Variants in TMOD4 observed in about 807,000 individuals in gnomAD.
TMOD4 encodes tropomodulin-4.
A neutral mutation model predicts 45.4 loss-of-function variants in TMOD4; 34 were observed. The observed-to-expected ratio is 0.75, with a 90% CI of 0.57 to 1.00. TMOD4 has a LOEUF of 1.00. TMOD4 is among the 50% of genes least tolerant of loss of function. TMOD4 has a pLI of 0.00. For missense variants in TMOD4, 399 were observed against 437.5 expected (o/e 0.91, Z 0.78); for synonymous variants, 131 against 153.9 (o/e 0.85, Z 1.10).
chr1:151,171,844 T>TC (rs1357197040), intron 5 of TMOD4, 81 bp from the exon 6 acceptor site: 1 of 1,503,274 alleles, frequency 6.7e-7, no homozygotes, highest in African/African-American at 1.4e-5. Context: ...TTTTCTTTTT[T>TC]TTTTTTTTTG....
rs755556017 is a variant in TMOD4 at position 151,174,739 on chromosome 1, G to C, written c.123+14C>G. ...CCTGGGACTGCCTCTGGTTCCCTGT[G>C]CTGGAGCCCCTACCTCAGGATCCAT... On this transcript the variant is annotated intron_variant, in intron 2 of 9. Coordinates refer to ENST00000295314, the MANE Select transcript of TMOD4 (RefSeq NM_013353.3). 2 of 1,613,328 alleles carry C rather than the reference G, an allele frequency of 1.2e-6. No homozygotes were observed. Among genetic ancestry groups the C allele is most frequent in the Middle Eastern group, 1.9e-4 (1 of 5,374 alleles).
chr1:151,172,820 G>GTTTTTGT (rs915968515), intron 4 of TMOD4, among the ~76,000 whole-genome samples: 1 of 151,890 alleles, frequency 6.6e-6, no homozygotes, highest in Non-Finnish European at 1.5e-5. Flanking sequence ...TGTTGTTTTT[G>GTTTTTGT]TTTTTGTTTT....
chr1:151,172,155 T>C (rs1305380681), intron 5 of TMOD4, 113 bp downstream of exon 5: 5 of 889,314 alleles, frequency 5.6e-6, no homozygotes, highest in Middle Eastern at 3.4e-4. Flanking sequence ...TTCTTATCAC[T>C]CATGCAGCAT....
rs750793725 is a variant in TMOD4, at chr1:151,174,400, C to T, written c.271G>A (p.Glu91Lys). 1.5e-5 allele frequency: 24 copies of T among 1,613,898 alleles called. No homozygotes were observed. The highest frequency in any genetic ancestry group is 8.8e-5 in the South Asian group (8 of 91,052). ...GTCAGGGTCCCCATACCCTTCTTCT[C>T]GCCTGTGAAGGGCACCAAGTCATCA... ...ERDDLVPFTG[E>K]KKGKPYIQPK... Residue 91 changes from glutamate (E) to lysine (K), a missense_variant, in exon 3 of 10, where the codon GAG becomes AAG. Coordinates refer to ENST00000295314, the MANE Select transcript of TMOD4 (RefSeq NM_013353.3).
At chr1:151,175,175 G>A in intron 1 of TMOD4, 1 of 347,448 alleles carries the variant, frequency 2.9e-6, no homozygotes, top group Non-Finnish European at 5.4e-6. Context: ...CGGTATGACA[G>A]AGAAATCCTG....
rs191076675 is a variant in TMOD4 at position 151,174,478 on chromosome 1, G to C, written c.193C>G (p.Arg65Gly). ...TKKSPTGPLD[R>G]EALLQYLEQQ... ...TCCAAGTACTGCAAAAGGGCCTCTC[G>C]GTCCAGTGGCCCCGTTGGGCTCTTC... The change falls in exon 3 of 10, where the codon CGA becomes GGA. Residue 65 changes from arginine to glycine, a missense_variant. Physicochemically the swap from Arg to Gly is moderately radical, Grantham distance 125. Transcript: ENST00000295314. 38 of 1,614,168 alleles carry C rather than the reference G, an allele frequency of 2.4e-5. No homozygotes were observed. In the East Asian group the frequency reaches 5.3e-4, roughly 23 times the overall value.
intron 4 of TMOD4, 143 bp from the exon 5 acceptor site, chr1:151,172,500 C>A: frequency 1.6e-6 from 1 of 625,128 alleles, no homozygotes; most frequent in Non-Finnish European, 2.8e-6. Flanking sequence ...TCTTTCAGCC[C>A]CAGGGGTCCT....
At chr1:151,174,631 C>T (rs1233500115) in intron 2 of TMOD4, 84 bp from the exon 3 acceptor site, 24 of 1,594,492 alleles carry the variant, frequency 1.5e-5, no homozygotes, top group Non-Finnish European at 2.1e-5. Context: ...CACCGGACAC[C>T]TTTCCCCTGG....
At chr1:151,173,372 A>C in intron 4 of TMOD4, 127 bp downstream of exon 4, 1 of 701,798 alleles carries the variant, frequency 1.4e-6, no homozygotes, top group Non-Finnish European at 2.5e-6. Flanking sequence ...GAAAAGCTTG[A>C]AACTACTGCT....
intron 1 of TMOD4, 152 bp downstream of exon 1, chr1:151,175,770 TAC>T (rs988235244): frequency 2.0e-5 from 3 of 152,254 alleles, no homozygotes; most frequent in Non-Finnish European, 4.4e-5. Flanking sequence ...ATGTAAACTA[TAC>T]ACAGTTAAGG....
At chr1:151,175,851 C>G (rs1475507010) in intron 1 of TMOD4, 73 bp downstream of exon 1, 1 of 152,152 alleles carries the variant, frequency 6.6e-6, no homozygotes, top group Non-Finnish European at 1.5e-5. Flanking sequence ...ACATCATTCC[C>G]CATAGGAGCC....
intron 9 of TMOD4, 109 bp downstream of exon 9, chr1:151,170,409 AG>A: frequency 6.7e-7 from 1 of 1,490,512 alleles, no homozygotes. Flanking sequence ...TCATATGAAT[AG>A]CTCTTTGGTA....
rs1315950831 is a variant in TMOD4, at chr1:151,172,322, G to T, written c.433C>A (p.Gln145Lys). Residue 145 changes from glutamine to lysine, a missense_variant, in exon 5 of 10, where the codon CAA (glutamine) becomes AAA (lysine). Physicochemically the swap from Gln to Lys is moderately conservative, Grantham distance 53. Coordinates refer to ENST00000295314, the MANE Select transcript of TMOD4 (RefSeq NM_013353.3). ...CCACTGCAGAGGGCATCATAGTATT[G>T]CTTGTTACTCATCAGTGTGTACATG... ...LDMYTLMSNK[Q>K]YYDALCSGEI... is the part of the protein sequence containing the mutation. 6.2e-7 allele frequency: 1 copy of T among 1,613,778 alleles called. No individual in the cohort carries two copies. The highest frequency in any genetic ancestry group is 1.1e-5 in the South Asian group (1 of 91,066).
Position 151,174,920 on chromosome 1 carries a change from G to A in TMOD4, c.-42-3C>T, listed in dbSNP as rs1205605346. On this transcript the variant is annotated splice_region_variant and splice_polypyrimidine_tract_variant and intron_variant, in intron 1 of 9. Coordinates refer to ENST00000295314, the MANE Select transcript of TMOD4 (RefSeq NM_013353.3). ...CCACTGTGTGGTACTCACAGAGCCT[G>A]GGCAACATGGGACAAAAGGATGGAC... is the stretch of plus-strand genomic sequence containing the variant. 6.2e-7 allele frequency: 1 copy of A among 1,612,542 alleles called. No individual in the cohort carries two copies. The highest frequency in any genetic ancestry group is 8.5e-7 in the Non-Finnish European group (1 of 1,179,266).
chr1:151,174,947 A>G (rs1235068200), intron 1 of TMOD4, 30 bp from the exon 2 acceptor site: 2 of 1,584,162 alleles, frequency 1.3e-6, no homozygotes, highest in African/African-American at 1.3e-5. Context: ...AGGATGGACA[A>G]TGGTAAGATG....
At position 151,170,999 on chromosome 1, in the gene TMOD4, A is replaced by T; in HGVS notation, c.791T>A (p.Ile264Asn). The T allele has an allele frequency of 6.2e-7, 1 of 1,614,184 alleles. No individual in the cohort carries two copies. Among genetic ancestry groups the T allele is most frequent in the Non-Finnish European group, 8.5e-7 (1 of 1,180,038 alleles). Residue 264 changes from isoleucine to asparagine, a missense_variant, in exon 8 of 10, where the codon ATT becomes AAT. By Grantham distance (149) the Ile-to-Asn change is moderately radical. Coordinates refer to ENST00000295314, the MANE Select transcript of TMOD4 (RefSeq NM_013353.3). ...CACAGCCATGAGTCCTGTGCTGCTAATGAAGTTGGATTCGATGTTTAGGCT... is the reference window on the plus strand; with the variant it reads ...CACAGCCATGAGTCCTGTGCTGCTATTGAAGTTGGATTCGATGTTTAGGCT... ...LQSLNIESNF[I>N]SSTGLMAVLK...
Position 151,174,948 on chromosome 1 carries a change from TG to T in TMOD4, c.-42-32del. ...CAACATGGGACAAAAGGATGGACAATGGTAAGATGGACAGGGACACAGCAGG... is the reference window on the plus strand; with the variant it reads ...CAACATGGGACAAAAGGATGGACAATGTAAGATGGACAGGGACACAGCAGG... On this transcript the variant is annotated intron_variant, in intron 1 of 9. Coordinates refer to ENST00000295314, the MANE Select transcript of TMOD4 (RefSeq NM_013353.3). The T allele has an allele frequency of 1.9e-6, 3 of 1,583,512 alleles. No homozygotes were observed. In the South Asian group the frequency reaches 3.4e-5, roughly 18 times the overall value.
intron 2 of TMOD4, 95 bp from the exon 3 acceptor site, chr1:151,174,642 CCTT>C: frequency 6.3e-7 from 1 of 1,593,732 alleles, no homozygotes; most frequent in Non-Finnish European, 8.6e-7. Flanking sequence ...TTTCCCCTGG[CCTT>C]CTTAGGACCC....
At chr1:151,170,254 C>G in intron 9 of TMOD4, 151 bp from the exon 10 acceptor site, 2 of 917,018 alleles carry the variant, frequency 2.2e-6, no homozygotes, top group Non-Finnish European at 1.7e-6. Context: ...CAAAACAAAA[C>G]AAGAAACCAC....
Sources: gnomAD v4.1 joint callset for allele counts (sites outside exome capture counted in the v4.1 genomes callset) on GRCh38, gnomAD v4.1.1 for gene constraint, MANE v1.5 for transcripts, NCBI Gene and HGNC (gene_info 2026-07-23, HGNC 2026-07-21) for gene names.